Variants in PIEZO2 observed in about 807,000 individuals in gnomAD.
PIEZO2 encodes piezo-type mechanosensitive ion channel component 2.
Under a neutral mutation model 337.3 loss-of-function variants are expected in PIEZO2, and 172 were observed. The ratio of observed to expected loss-of-function variants is 0.51; its 90% confidence interval spans 0.45 to 0.58. PIEZO2 has a LOEUF of 0.58. Among genes scored for constraint, PIEZO2 ranks in the 20% least tolerant of loss-of-function variants. The pLI is 0.00. For missense variants in PIEZO2, 3,028 were observed against 3,391.3 expected, an observed-to-expected ratio of 0.89 and a Z score of 2.66; for synonymous variants, 1,251 against 1,228.5, an observed-to-expected ratio of 1.02 and a Z score of -0.38.
chr18:10,678,322 A>G (rs2034108185), intron 52 of PIEZO2, among the ~76,000 whole-genome samples: 1 of 152,220 alleles, frequency 6.6e-6, no homozygotes, highest in South Asian at 2.1e-4. Context: ...TCTTTAAAGA[A>G]AAGGCTAGAA....
chr18:11,085,704 G>A (rs2038883763), intron 1 of PIEZO2, among the ~76,000 whole-genome samples: 1 of 152,100 alleles, frequency 6.6e-6, no homozygotes, highest in African/African-American at 2.4e-5. Context: ...TATTAAGGCT[G>A]CAATTTCCTA....
chr18:11,067,913 T>C (rs142985239), intron 1 of PIEZO2, among the ~76,000 whole-genome samples: 198 of 152,214 alleles, frequency 1.3e-3, no homozygotes, highest in African/African-American at 4.7e-3. Flanking sequence ...AGAATACACA[T>C]TCTTTTTTTG....
At chr18:10,976,074 T>G (rs1236098287) in intron 3 of PIEZO2, among the ~76,000 whole-genome samples, 2 of 152,182 alleles carry the variant, frequency 1.3e-5, no homozygotes, top group Non-Finnish European at 2.9e-5. Context: ...AACAATAACA[T>G]TAGTGAAGTG....
intron 21 of PIEZO2, among the ~76,000 whole-genome samples, chr18:10,765,380 A>G (rs2038309288): frequency 6.6e-6 from 1 of 152,188 alleles, no homozygotes; most frequent in South Asian, 2.1e-4. Context: ...CAGGAATGGC[A>G]AAGGTGAAGT....
intron 1 of PIEZO2, among the ~76,000 whole-genome samples, chr18:11,106,355 C>T (rs2039561869): frequency 6.6e-6 from 1 of 151,298 alleles, no homozygotes; most frequent in African/African-American, 2.4e-5. Flanking sequence ...GCCTCGGCCT[C>T]CCAAAGTGCT....
At chr18:11,136,703 T>C (rs1599015848) in intron 1 of PIEZO2, among the ~76,000 whole-genome samples, 1 of 152,364 alleles carries the variant, frequency 6.6e-6, no homozygotes, top group East Asian at 1.9e-4. Context: ...CAGCTAATGC[T>C]GGAGCCATGA....
rs11390110 is a variant in PIEZO2, at chr18:11,055,210, C to CAAAAAA, written c.160+10911_160+10916dup. Among the ~76,000 whole-genome samples the CAAAAAA allele has an allele frequency of 6.3e-4, 50 of 79,804 alleles. 1 individual carries two copies. The highest frequency in any genetic ancestry group is 2.2e-3 in the African/African-American group (43 of 19,420). 52.4% of individuals were successfully genotyped at this position (79,804 alleles called of 152,430 possible). On this transcript the variant is annotated intron_variant, in intron 2 of 55. Transcript: ENST00000674853. ...TGGGCGAAAGAGTGAGACTCTGTCT[C>CAAAAAA]AAAAAAAAAAAAAAAAAAAAAAGAA...
At chr18:10,679,666 A>C (rs1263406997) in intron 52 of PIEZO2, among the ~76,000 whole-genome samples, 1 of 152,206 alleles carries the variant, frequency 6.6e-6, no homozygotes, top group Non-Finnish European at 1.5e-5. Context: ...AGGTGGGCAT[A>C]ATTCACTTCC....
At chr18:10,734,414 C>G (rs573824695) in intron 35 of PIEZO2, among the ~76,000 whole-genome samples, 1 of 152,172 alleles carries the variant, frequency 6.6e-6, no homozygotes, top group Non-Finnish European at 1.5e-5. Flanking sequence ...GAATCAGAAC[C>G]TGCATTTAAA....
At chr18:11,071,422 C>T (rs146449689) in intron 1 of PIEZO2, among the ~76,000 whole-genome samples, 13 of 152,318 alleles carry the variant, frequency 8.5e-5, no homozygotes, top group African/African-American at 3.1e-4. Flanking sequence ...GTGTGATGGG[C>T]GTTGTCCCAG....
intron 23 of PIEZO2, among the ~76,000 whole-genome samples, chr18:10,761,894 T>TG (rs1250359253): frequency 5.9e-5 from 9 of 152,346 alleles, no homozygotes; most frequent in African/African-American, 2.2e-4. Context: ...AAAAATAAAA[T>TG]GTGAAAAATC....
intron 47 of PIEZO2, among the ~76,000 whole-genome samples, chr18:10,694,426 T>C (rs1367590750): frequency 6.6e-6 from 1 of 152,202 alleles, no homozygotes; most frequent in East Asian, 1.9e-4. Flanking sequence ...AGCCTGCCTG[T>C]TTGATATGTT....
intron 2 of PIEZO2, among the ~76,000 whole-genome samples, chr18:11,051,810 G>A (rs1009311044): frequency 6.6e-6 from 1 of 152,182 alleles, no homozygotes; most frequent in South Asian, 2.1e-4. Flanking sequence ...CTGGACTTTG[G>A]ACAATTTCAG....
At chr18:10,844,854 C>A (rs1463049229) in intron 7 of PIEZO2, among the ~76,000 whole-genome samples, 1 of 150,158 alleles carries the variant, frequency 6.7e-6, no homozygotes, top group African/African-American at 2.4e-5. Context: ...AGATGCAAGA[C>A]ACTCAGCAAG....
chr18:10,825,375 T>C (rs924116900), intron 7 of PIEZO2, among the ~76,000 whole-genome samples: 1 of 152,082 alleles, frequency 6.6e-6, no homozygotes, highest in Non-Finnish European at 1.5e-5. Context: ...GGTTAAGGAT[T>C]TGGGGGAGAA....
chr18:10,825,343 T>C (rs907614009), intron 7 of PIEZO2, among the ~76,000 whole-genome samples: 2 of 152,108 alleles, frequency 1.3e-5, no homozygotes, highest in Non-Finnish European at 2.9e-5. Context: ...TTGCTTTGTT[T>C]GTTTTCTCAT....
Position 10,702,002 on chromosome 18 carries a change from C to G in PIEZO2, c.6428G>C (p.Arg2143Pro). The G allele has an allele frequency of 6.6e-7, 1 of 1,525,576 alleles. No homozygotes were observed. Among genetic ancestry groups the G allele is most frequent in the Non-Finnish European group, 8.7e-7 (1 of 1,143,716 alleles). The allele number at this position is 1,525,576 out of a possible 1,614,324, so 94.5% of individuals were successfully genotyped here. ...AACATGCAGTACCTTCAAAATTGAT[C>G]GATGAAAGAACAGAGCCAGGAGCTG... Reference protein sequence around the residue: ...LIQLLALFFHRSILKCHGLWD... With the variant: ...LIQLLALFFHPSILKCHGLWD... The change falls in exon 43 of 56, where the codon CGA (arginine) becomes CCA (proline). Residue 2143 changes from arginine (R) to proline (P), a missense_variant. Transcript: ENST00000674853.
intron 5 of PIEZO2, among the ~76,000 whole-genome samples, chr18:10,867,165 GTACTTGAAGAAATGGGA>G (rs1568145417): frequency 6.6e-6 from 1 of 152,204 alleles, no homozygotes; most frequent in African/African-American, 2.4e-5. Context: ...TCATGTCTGT[GTACTTGAAGAAATGGGA>G]TCCAGGAAAT....
rs921578825 is a variant in PIEZO2 at position 10,676,121 on chromosome 18, C to T, written c.8082-833G>A. On this transcript the variant is annotated intron_variant, in intron 53 of 55. Coordinates refer to ENST00000674853, the MANE Select transcript of PIEZO2 (RefSeq NM_001378183.1). The surrounding 1 kb of genome is among the most constrained non-coding windows in gnomAD (Gnocchi z 5.1). ...TGAAGAGAGATGGTGGCCTGGACCT[C>T]GAGTGACCTCTGCCTCCCACAAGCC... Among the ~76,000 whole-genome samples, 1 of 152,284 alleles carries T rather than the reference C, an allele frequency of 6.6e-6. No individual in the cohort carries two copies.
Sources: allele counts gnomAD v4.1 joint callset (sites outside exome capture counted in the v4.1 genomes callset), GRCh38; gene constraint gnomAD v4.1.1; non-coding constraint Gnocchi (gnomAD v3.1); transcripts MANE v1.5; gene names NCBI Gene and HGNC (gene_info 2026-07-23, HGNC 2026-07-21).